Variants in EIF4G3 observed in about 807,000 individuals in gnomAD.
EIF4G3 encodes eIF-4-gamma 3.
A neutral mutation model predicts 186.4 loss-of-function variants in EIF4G3; 34 were observed. That is an observed-to-expected ratio of 0.18 (90% CI 0.14 to 0.24). EIF4G3 has a LOEUF of 0.24. Among genes scored for constraint, EIF4G3 ranks in the 10% least tolerant of loss-of-function variants. The pLI is 1.00. For missense variants in EIF4G3, 1,536 were observed against 1,948.5 expected (o/e 0.79, Z 3.99); for synonymous variants, 673 against 679.5 (o/e 0.99, Z 0.15).
chr1:20,883,435 G>A (rs539834889), intron 19 of EIF4G3, among the ~76,000 whole-genome samples: 98 of 152,170 alleles, frequency 6.4e-4, no homozygotes, highest in Middle Eastern at 3.4e-3. Context: ...TGGCTTACAC[G>A]GTGAAACCTG....
chr1:21,153,824 C>T (rs960944974), intron 2 of EIF4G3, among the ~76,000 whole-genome samples: 1 of 152,038 alleles, frequency 6.6e-6, no homozygotes, highest in Non-Finnish European at 1.5e-5. Flanking sequence ...CTTGGCCTCC[C>T]AAAGTGCTGG....
intron 2 of EIF4G3, among the ~76,000 whole-genome samples, chr1:21,128,577 A>G (rs570493249): frequency 6.6e-6 from 1 of 152,298 alleles, no homozygotes; most frequent in African/African-American, 2.4e-5. Context: ...TGAAGCTCAG[A>G]TTCATAACTC....
At chr1:20,873,708 CTTTT>C (rs972621195) in intron 20 of EIF4G3, among the ~76,000 whole-genome samples, 9 of 114,662 alleles carry the variant, frequency 7.8e-5, no homozygotes, top group African/African-American at 2.3e-4. Flanking sequence ...CATTGAATGT[CTTTT>C]TTTTTTCCTT....
chr1:21,052,421 G>C (rs1426151397), intron 3 of EIF4G3, among the ~76,000 whole-genome samples: 1 of 152,128 alleles, frequency 6.6e-6, no homozygotes, highest in African/African-American at 2.4e-5. Context: ...TGCCAATCTA[G>C]CATAAAATAC....
At chr1:20,831,303 A>T (rs1384481731) in intron 30 of EIF4G3, among the ~76,000 whole-genome samples, 4 of 149,368 alleles carry the variant, frequency 2.7e-5, no homozygotes, top group Non-Finnish European at 4.4e-5. Flanking sequence ...TTTTTGAGAA[A>T]GCCTTCAATC....
intron 3 of EIF4G3, among the ~76,000 whole-genome samples, chr1:21,079,565 T>C (rs893053729): frequency 1.7e-4 from 26 of 149,768 alleles, no homozygotes; most frequent in South Asian, 6.3e-4. Flanking sequence ...ACATCTGTAG[T>C]CCTGGCTACT....
At chr1:20,955,236 T>C (rs368516249) in intron 12 of EIF4G3, among the ~76,000 whole-genome samples, 4 of 110,372 alleles carry the variant, frequency 3.6e-5, no homozygotes, top group South Asian at 7.2e-4. Context: ...TTTTATTTTT[T>C]AGTTTTTTTT....
chr1:21,141,265 T>C (rs1425129432), intron 2 of EIF4G3, among the ~76,000 whole-genome samples: 1 of 152,128 alleles, frequency 6.6e-6, no homozygotes, highest in African/African-American at 2.4e-5. Flanking sequence ...TCTCTTTCTG[T>C]GCCATGTTAC....
chr1:20,981,602 C>T lies in EIF4G3; in HGVS notation c.199-375G>A, dbSNP rs530702182. 6.1e-3 allele frequency among the ~76,000 whole-genome samples: 751 copies of T among 122,784 alleles called. 6 individuals are homozygous for T. The highest frequency in any genetic ancestry group is 8.8e-3 in the Non-Finnish European group (509 of 57,834). The allele number at this position is 122,784 out of a possible 152,430, so 80.6% of individuals were successfully genotyped here. On this transcript the variant is annotated intron_variant, in intron 8 of 36. Transcript: ENST00000602326. Reference sequence around the variant, plus strand: ...TACTGTATGTATACATACATGTATACGCACATACTGTATGTATACATACAT... The same window carrying T: ...TACTGTATGTATACATACATGTATATGCACATACTGTATGTATACATACAT...
intron 4 of EIF4G3, among the ~76,000 whole-genome samples, chr1:21,035,191 C>T (rs1470802827): frequency 1.3e-5 from 2 of 152,310 alleles, no homozygotes; most frequent in African/African-American, 4.8e-5. Flanking sequence ...CACTTCTGGC[C>T]GTGTCCTGGG....
intron 18 of EIF4G3, among the ~76,000 whole-genome samples, chr1:20,888,074 C>T (rs1030651339): frequency 3.3e-5 from 5 of 152,096 alleles, no homozygotes; most frequent in Admixed American, 1.3e-4. Context: ...CATAGATGCA[C>T]ATTAGGAGAC....
At chr1:20,943,563 G>A (rs1485105751) in intron 13 of EIF4G3, among the ~76,000 whole-genome samples, 1 of 152,108 alleles carries the variant, frequency 6.6e-6, no homozygotes, top group Non-Finnish European at 1.5e-5. Context: ...AGGCTCCATG[G>A]AAAAACATAT....
At chr1:21,089,087 G>C in intron 3 of EIF4G3, 51 bp downstream of exon 3, 1 of 697,780 alleles carries the variant, frequency 1.4e-6, no homozygotes, top group South Asian at 1.6e-5. Context: ...TTAATACCAA[G>C]GATTCACACA....
At chr1:20,959,160 A>T (rs1482090785) in intron 12 of EIF4G3, among the ~76,000 whole-genome samples, 2 of 152,194 alleles carry the variant, frequency 1.3e-5, no homozygotes, top group African/African-American at 2.4e-5. Flanking sequence ...TATAGTTAAC[A>T]AAACAGCGTA....
intron 2 of EIF4G3, among the ~76,000 whole-genome samples, chr1:21,157,536 A>T (rs538053539): frequency 6.6e-6 from 1 of 151,488 alleles, no homozygotes; most frequent in Non-Finnish European, 1.5e-5. Flanking sequence ...GGGTTTCCCT[A>T]TGTTGCCCAG....
intron 19 of EIF4G3, among the ~76,000 whole-genome samples, 169 bp from the exon 20 acceptor site, chr1:20,879,689 C>T (rs2081774961): frequency 6.6e-6 from 1 of 152,022 alleles, no homozygotes; most frequent in East Asian, 1.9e-4. Flanking sequence ...AACAAATAGT[C>T]AAAAATTACC....
intron 4 of EIF4G3, among the ~76,000 whole-genome samples, chr1:21,029,125 C>T (rs1006624071): frequency 6.6e-6 from 1 of 152,146 alleles, no homozygotes; most frequent in Non-Finnish European, 1.5e-5. Context: ...CCAAGCGATT[C>T]TCATGCCTCA....
intron 13 of EIF4G3, among the ~76,000 whole-genome samples, chr1:20,943,972 TTTTGTGTG>T (rs1278808343): frequency 0.011 from 515 of 44,812 alleles, 20 homozygotes; most frequent in African/African-American, 0.028. Context: ...TCTTTATTTT[TTTTGTGTG>T]TGTGTGTGTG....
chr1:20,933,136 C>T (rs1280862496), intron 14 of EIF4G3, among the ~76,000 whole-genome samples: 2 of 152,116 alleles, frequency 1.3e-5, no homozygotes, highest in Non-Finnish European at 1.5e-5. Flanking sequence ...ATATTTCCCC[C>T]AATCCTTCAC....
Sources: allele counts gnomAD v4.1 joint callset (sites outside exome capture counted in the v4.1 genomes callset), GRCh38; gene constraint gnomAD v4.1.1; transcripts MANE v1.5; gene names NCBI Gene and HGNC (gene_info 2026-07-23, HGNC 2026-07-21).